ZMYM1: variants seen among roughly 807,000 people sequenced by gnomAD.
The protein encoded by ZMYM1 is zinc finger MYM-type protein 1.
ZMYM1 carries 39 observed loss-of-function variants against 60.0 expected under a neutral mutation model. The ratio of observed to expected loss-of-function variants is 0.65; its 90% CI spans 0.50 to 0.85. The LOEUF (loss-of-function observed/expected upper bound fraction) is 0.85. Ranked by LOEUF, ZMYM1 falls within the 40% of genes least tolerant of loss-of-function variation. ZMYM1 has a pLI of 0.00. For missense variants in ZMYM1, 1,171 were observed against 1,309.5 expected (o/e 0.89, Z 1.63); for synonymous variants, 413 against 454.0 (o/e 0.91, Z 1.15).
chr1:35,093,836 C>T (rs1569931940), intron 1 of ZMYM1, 78 bp from the exon 2 acceptor site: 2 of 519,018 alleles, frequency 3.9e-6, no homozygotes, highest in African/African-American at 2.0e-5. Flanking sequence ...TCTAAAGACC[C>T]TTTTGTGGTT....
chr1:35,113,444 C>CGATTT lies in ZMYM1; in HGVS notation c.1615_1619dup (p.Ser541IlefsTer16), dbSNP rs1553146609. ...AATTTTGTGATGGAGCTGTCAGTGA[C>CGATTT]GATTTATCTATTCATTCGAAACAGA... is the stretch of plus-strand genomic sequence containing the variant. On this transcript the variant is annotated frameshift_variant, in exon 10 of 10. Coordinates refer to ENST00000359858, the MANE Select transcript of ZMYM1 (RefSeq NM_024772.5). LOFTEE classifies it high-confidence loss of function. The CGATTT allele has an allele frequency of 6.2e-7, 1 of 1,613,578 alleles. No homozygotes were observed. Among genetic ancestry groups the CGATTT allele is most frequent in the African/African-American group, 1.3e-5 (1 of 74,966 alleles).
At chr1:35,064,970 C>T (rs974618376) in intron 1 of ZMYM1, among the ~76,000 whole-genome samples, 6 of 151,922 alleles carry the variant, frequency 3.9e-5, no homozygotes, top group South Asian at 2.1e-4. Flanking sequence ...CCACTGCGCC[C>T]GGCCTAAACA....
intron 6 of ZMYM1, among the ~76,000 whole-genome samples, chr1:35,105,102 T>C (rs1643846896): frequency 6.6e-6 from 1 of 151,326 alleles, no homozygotes; most frequent in South Asian, 2.1e-4. Flanking sequence ...TGTTTTTATT[T>C]TTATGTATTT....
At position 35,064,016 on chromosome 1, in the gene ZMYM1, C is replaced by G. The variant is rs146358915; in HGVS notation, c.-301+4091C>G. Among the ~76,000 whole-genome samples the G allele has an allele frequency of 7.2e-5, 11 of 152,190 alleles. No homozygotes were observed. In the East Asian group the frequency reaches 1.9e-3, roughly 27 times the overall value. On this transcript the variant is annotated intron_variant, in intron 1 of 10. Coordinates refer to the ZMYM1 transcript ENST00000417119. ...GATAGATATCCAGTACATCTGTAAT[C>G]TGCATGGATTTAAAAAAAGAAAGTT...
chr1:35,092,127 T>C (rs1240631218), intron 1 of ZMYM1, among the ~76,000 whole-genome samples: 1 of 152,144 alleles, frequency 6.6e-6, no homozygotes, highest in Non-Finnish European at 1.5e-5. Context: ...GGTTTTGCCA[T>C]GTTGGCCAGG....
chr1:35,085,216 T>C (rs182240682), intron 1 of ZMYM1, among the ~76,000 whole-genome samples: 1 of 151,912 alleles, frequency 6.6e-6, no homozygotes, highest in Non-Finnish European at 1.5e-5. Context: ...CCTGGCTAAT[T>C]TTTTGTATTT....
rs71029065 is a variant in ZMYM1, at chr1:35,089,738, C to CTTTTTTTTTTT, written c.-74-4161_-74-4151dup. ...CCCTCCATAATGATTAGTTGTAAGG[C>CTTTTTTTTTTT]TTTTTTTTTTTTTTTTTTTTTTTTT... On this transcript the variant is annotated intron_variant, in intron 1 of 9. Transcript: ENST00000359858. Among the ~76,000 whole-genome samples, 116 of 60,996 alleles carry CTTTTTTTTTTT rather than the reference C, an allele frequency of 1.9e-3. 12 individuals are homozygous for CTTTTTTTTTTT. The highest frequency in any genetic ancestry group is 2.6e-3 in the Non-Finnish European group (97 of 37,504). 40.0% of individuals were successfully genotyped at this position (60,996 alleles called of 152,430 possible).
intron 1 of ZMYM1, among the ~76,000 whole-genome samples, chr1:35,065,288 G>A (rs1448938942): frequency 9.2e-5 from 13 of 140,982 alleles, no homozygotes; most frequent in African/African-American, 3.4e-4. Context: ...CCCGGCTTTC[G>A]GCACCAAAAA....
At chr1:35,083,669 G>T (rs1294311680) in intron 1 of ZMYM1, among the ~76,000 whole-genome samples, 2 of 152,082 alleles carry the variant, frequency 1.3e-5, no homozygotes, top group African/African-American at 4.8e-5. Flanking sequence ...AGGTTGGTGT[G>T]CAGTGGTGCG....
At chr1:35,087,562 G>T (rs1048837307) in intron 1 of ZMYM1, among the ~76,000 whole-genome samples, 1 of 151,794 alleles carries the variant, frequency 6.6e-6, no homozygotes, top group African/African-American at 2.4e-5. Context: ...AAATAACTGG[G>T]ATTACAGGCA....
upstream of ZMYM1, among the ~76,000 whole-genome samples, chr1:35,076,578 G>A (rs1465659942): frequency 2.0e-5 from 3 of 151,754 alleles, no homozygotes; most frequent in South Asian, 2.1e-4. Context: ...CCAAGATTGC[G>A]CCATTGCACT....
At chr1:35,089,997 C>T (rs1642907103) in intron 1 of ZMYM1, among the ~76,000 whole-genome samples, 1 of 151,580 alleles carries the variant, frequency 6.6e-6, no homozygotes, top group African/African-American at 2.4e-5. Context: ...CTCCGCCTCC[C>T]GGGCTCATGC....
At chr1:35,073,583 G>GAAGAA (rs1557627006) in intron 1 of ZMYM1, among the ~76,000 whole-genome samples, 4 of 120,352 alleles carry the variant, frequency 3.3e-5, no homozygotes, top group Non-Finnish European at 7.1e-5. Flanking sequence ...AAAAAGAAAA[G>GAAGAA]AAGAAAAGAA....
At chr1:35,097,220 A>T in intron 3 of ZMYM1, 97 bp from the exon 4 acceptor site, 1 of 1,382,522 alleles carries the variant, frequency 7.2e-7, no homozygotes. Context: ...ACAGAACAAG[A>T]CCCTGTCTCT....
intron 6 of ZMYM1, among the ~76,000 whole-genome samples, chr1:35,106,838 TTTG>T (rs200589076): frequency 1.3e-3 from 192 of 151,220 alleles, no homozygotes; most frequent in East Asian, 4.8e-3. Context: ...TGGGTTGTTT[TTTG>T]TTGTTGTTGT....
At chr1:35,061,604 G>A (rs1413930660) in intron 1 of ZMYM1, among the ~76,000 whole-genome samples, 3 of 151,470 alleles carry the variant, frequency 2.0e-5, no homozygotes, top group Middle Eastern at 3.4e-3. Flanking sequence ...GTGAAACCCC[G>A]TCTCTAGTAA....
Position 35,113,578 on chromosome 1 carries a change from A to G in ZMYM1, c.1748A>G (p.Lys583Arg). ...GACCAGTCAGTTTCATCTGTGAATA[A>G]AGGCAATTTTTTAGAATTGTTAGAA... ...GNDQSVSSVN[K>R]GNFLELLEMR... Residue 583 changes from lysine (K) to arginine (R), a missense_variant, in exon 10 of 10, where the codon AAA (lysine) becomes AGA (arginine). Lys to Arg is a conservative substitution (Grantham distance 26). Coordinates refer to ENST00000359858, the MANE Select transcript of ZMYM1 (RefSeq NM_024772.5). The G allele has an allele frequency of 6.2e-7, 1 of 1,613,808 alleles. No individual in the cohort carries two copies. The highest frequency in any genetic ancestry group is 8.5e-7 in the Non-Finnish European group (1 of 1,179,890).
At chr1:35,067,209 C>T (rs1325081438) in intron 1 of ZMYM1, among the ~76,000 whole-genome samples, 1 of 151,984 alleles carries the variant, frequency 6.6e-6, no homozygotes, top group Non-Finnish European at 1.5e-5. Flanking sequence ...GAACTCCTGA[C>T]CTCAAGTGAT....
intron 1 of ZMYM1, among the ~76,000 whole-genome samples, chr1:35,088,454 A>ATATATATATGTGTG (rs1464546786): frequency 6.5e-5 from 7 of 107,250 alleles, no homozygotes; most frequent in African/African-American, 2.1e-4. Context: ...ATATATATAT[A>ATATATATATGTGTG]TGTGTGTGTG....
Sources: gnomAD v4.1 joint callset for allele counts (sites outside exome capture counted in the v4.1 genomes callset) on GRCh38, gnomAD v4.1.1 for gene constraint, MANE v1.5 for transcripts, NCBI Gene and HGNC (gene_info 2026-07-23, HGNC 2026-07-21) for gene names.